Variants in ZNF484 observed in about 807,000 individuals in gnomAD.
ZNF484 encodes KRAB box containing C2H2 type zinc finger bA526D8.4.
Under a neutral mutation model 12.9 loss-of-function variants are expected in ZNF484, and 11 were observed. The observed-to-expected ratio is 0.85, with a 90% CI of 0.54 to 1.41. The LOEUF (loss-of-function observed/expected upper bound fraction) is 1.41, where lower values mean the gene tolerates loss of function less well. Ranked by LOEUF, ZNF484 falls within the 40% of genes most tolerant of loss-of-function variation. The pLI is 0.00. For synonymous variants in ZNF484, 289 were observed against 334.1 expected (o/e 0.86, Z 1.47); for missense variants, 807 against 1,007.7 (o/e 0.80, Z 2.70).
chr9:92,848,542 A>T lies in ZNF484; in HGVS notation c.245T>A (p.Ile82Asn), dbSNP rs373410189. 171 of 1,576,694 alleles carry T rather than the reference A, an allele frequency of 1.1e-4. No individual in the cohort carries two copies. The highest frequency in any genetic ancestry group is 1.4e-4 in the Non-Finnish European group (164 of 1,169,296). Residue 82 changes from isoleucine (I) to asparagine (N), a missense_variant, in exon 5 of 5, where the codon ATT (isoleucine) becomes AAT (asparagine). By Grantham distance (149) the Ile-to-Asn change is moderately radical (BLOSUM62 -3). Transcript: ENST00000375495. This position sits in a 1 kb window ranked among gnomAD's most constrained non-coding sequence, Gnocchi z 4.1. Reference sequence around the variant, plus strand: ...CCTCTGTTGTAAAGGTCCAAAACCAATGTCCCCATCTAAAAAAGAAAGAAA... The same window carrying T: ...CCTCTGTTGTAAAGGTCCAAAACCATTGTCCCCATCTAAAAAAGAAAGAAA... ...IPSQSRPDGD[I>N]GFGPLQQRMS...
At position 92,844,456 on chromosome 9, in the gene ZNF484, T is replaced by G. The variant is rs747605831; in HGVS notation, c.*1772A>C. ...ACCCCAAAACCACTAAACCACAGAT[T>G]TAAAAAACATTATAAACTCCAAGGA... On this transcript the variant is annotated 3_prime_UTR_variant, in exon 5 of 5. Transcript: ENST00000375495. Among the ~76,000 whole-genome samples the G allele has an allele frequency of 6.6e-6, 1 of 151,626 alleles. No individual in the cohort carries two copies. Among genetic ancestry groups the G allele is most frequent in the Non-Finnish European group, 1.5e-5 (1 of 67,896 alleles).
At chr9:92,876,815 CAGAATATGAAA>C (rs1857845556) in intron 1 of ZNF484, among the ~76,000 whole-genome samples, 1 of 152,010 alleles carries the variant, frequency 6.6e-6, no homozygotes, top group African/African-American at 2.4e-5. Context: ...GTATCTCCTC[CAGAATATGAAA>C]CAAGTAGATC....
intron 2 of ZNF484, among the ~76,000 whole-genome samples, chr9:92,868,338 G>A (rs1195886441): frequency 6.6e-6 from 1 of 152,168 alleles, no homozygotes; most frequent in Non-Finnish European, 1.5e-5. Flanking sequence ...GAGCTGAAAT[G>A]AATAGCATGT....
In ZNF484 at chr9:92,847,317, A is replaced by G. The variant is rs773927606; in HGVS notation, c.1470T>C (p.His490=). 30 of 1,613,590 alleles carry G rather than the reference A, an allele frequency of 1.9e-5. 1 individual carries two copies. The highest frequency in any genetic ancestry group is 3.3e-4 in the Middle Eastern group (2 of 6,082). The change falls in exon 5 of 5, where the codon CAT becomes CAC. Residue 490 remains histidine, a synonymous_variant. Coordinates refer to ENST00000375495, the MANE Select transcript of ZNF484 (RefSeq NM_031486.4). Reference sequence around the variant, plus strand: ...TACATATATAGGGTCTTTCTCCTGTATGAATTTTCTGGTGTATAATGAGAT... The same window carrying G: ...TACATATATAGGGTCTTTCTCCTGTGTGAATTTTCTGGTGTATAATGAGAT... ...KTNLIIHQKI[H]TGERPYICTV... is the part of the protein sequence containing the mutation.
chr9:92,866,195 T>C (rs1001976924), intron 2 of ZNF484, among the ~76,000 whole-genome samples: 1 of 152,216 alleles, frequency 6.6e-6, no homozygotes, highest in Non-Finnish European at 1.5e-5. Context: ...ATGTACTTAT[T>C]TTCTTACTTT....
In ZNF484 at chr9:92,877,955, G is replaced by T; in HGVS notation, c.-96C>A. 1 of 1,344,164 alleles carries T rather than the reference G, an allele frequency of 7.4e-7. No individual in the cohort carries two copies. Among genetic ancestry groups the T allele is most frequent in the Admixed American group, 2.0e-5 (1 of 49,234 alleles). 83.3% of individuals were successfully genotyped at this position (1,344,164 alleles called of 1,614,324 possible). A position where few individuals can be genotyped will look rare whatever the true frequency, so the allele number is the denominator to read the frequency against. On this transcript the variant is annotated 5_prime_UTR_variant, in exon 1 of 5. Transcript: ENST00000375495. ...CCTCGGGAGGTGACTATAGTCGCAA[G>T]AACCAGAACAGGACCCACTTCCTTT...
Position 92,847,070 on chromosome 9 carries a change from T to G in ZNF484, c.1717A>C (p.Ile573Leu). ...QKSTLSMHQR[I>L]HRGEKPYVCT... Reference sequence around the variant, plus strand: ...ACATATGGTTTTTCCCCTCTATGAATTCTCTGGTGCATACTTAATGTTGAC... The same window carrying G: ...ACATATGGTTTTTCCCCTCTATGAAGTCTCTGGTGCATACTTAATGTTGAC... The change falls in exon 5 of 5, where the codon ATT becomes CTT. Residue 573 changes from isoleucine to leucine, a missense_variant. Coordinates refer to ENST00000375495, the MANE Select transcript of ZNF484 (RefSeq NM_031486.4). 6.2e-7 allele frequency: 1 copy of G among 1,614,050 alleles called. No homozygotes were observed. The highest frequency in any genetic ancestry group is 8.5e-7 in the Non-Finnish European group (1 of 1,180,004).
intron 2 of ZNF484, among the ~76,000 whole-genome samples, chr9:92,870,512 G>C (rs1211772699): frequency 6.6e-6 from 1 of 152,222 alleles, no homozygotes; most frequent in East Asian, 1.9e-4. Context: ...CAATAGGGTA[G>C]TATGAGAAAA....
In ZNF484 at chr9:92,844,860, G is replaced by A. The variant is rs1399718944; in HGVS notation, c.*1368C>T. Among the ~76,000 whole-genome samples the A allele has an allele frequency of 2.0e-5, 3 of 152,166 alleles. No homozygotes were observed. The highest frequency in any genetic ancestry group is 7.2e-5 in the African/African-American group (3 of 41,554). On this transcript the variant is annotated 3_prime_UTR_variant, in exon 5 of 5. Transcript: ENST00000375495. Reference sequence around the variant, plus strand: ...TTAAAGGACAGGAAGGAATAAAAAAGTAATTAAAATGATAAATATGTGGGT... The same window carrying A: ...TTAAAGGACAGGAAGGAATAAAAAAATAATTAAAATGATAAATATGTGGGT...
Position 92,845,399 on chromosome 9 carries a change from T to C in ZNF484, c.*829A>G, listed in dbSNP as rs1855525209. ...GAAGTCTTCCAAATGTTCAACTACA[T>C]TTTATCTTCTAAGGACACAAACTAA... On this transcript the variant is annotated 3_prime_UTR_variant, in exon 5 of 5. Transcript: ENST00000375495. The surrounding 1 kb of genome is among the most constrained non-coding windows in gnomAD (Gnocchi z 4.0). 6.6e-6 allele frequency: 1 copy of C among 152,202 alleles called. No homozygotes were observed. Among genetic ancestry groups the C allele is most frequent in the Non-Finnish European group, 1.5e-5 (1 of 68,028 alleles). 9.4% of individuals were successfully genotyped at this position (152,202 alleles called of 1,614,324 possible). A position where few individuals can be genotyped will look rare whatever the true frequency, so the allele number is the denominator to read the frequency against.
At chr9:92,857,471 T>C (rs770109945) in intron 2 of ZNF484, among the ~76,000 whole-genome samples, 6 of 152,130 alleles carry the variant, frequency 3.9e-5, no homozygotes, top group Non-Finnish European at 7.3e-5. Context: ...CTAGGGTATA[T>C]AGGGCAGTAG....
Position 92,846,270 on chromosome 9 carries a change from A to G in ZNF484, c.2517T>C (p.Cys839=). Residue 839 remains cysteine (C), a synonymous_variant, in exon 5 of 5, where the codon TGT becomes TGC. Coordinates refer to ENST00000375495, the MANE Select transcript of ZNF484 (RefSeq NM_031486.4). The part of the protein sequence containing the change: ...EVECSMPQLW[C]GDSEGDQGQL... The stretch of plus-strand genomic sequence containing the variant: ...GGCCTTGGTCACCTTCTGAGTCCCC[A>G]CACCATAATTGTGGCATGGAGCACT... 1.2e-6 allele frequency: 2 copies of G among 1,613,986 alleles called. No individual in the cohort carries two copies. Among genetic ancestry groups the G allele is most frequent in the Non-Finnish European group, 1.7e-6 (2 of 1,179,940 alleles).
At chr9:92,873,829 CA>C (rs1186291780) in intron 2 of ZNF484, among the ~76,000 whole-genome samples, 6 of 148,798 alleles carry the variant, frequency 4.0e-5, no homozygotes, top group African/African-American at 1.5e-4. Flanking sequence ...GAAATAGTAC[CA>C]AAAGAAAAAA....
At chr9:92,875,191 T>G (rs567800502) in intron 1 of ZNF484, 132 bp from the exon 2 acceptor site, 1 of 663,230 alleles carries the variant, frequency 1.5e-6, no homozygotes, top group African/African-American at 1.8e-5. Context: ...CATTAAAATA[T>G]CATCCCATCC....
intron 2 of ZNF484, among the ~76,000 whole-genome samples, chr9:92,866,097 A>G (rs568590865): frequency 2.0e-5 from 3 of 152,320 alleles, no homozygotes; most frequent in African/African-American, 7.2e-5. Context: ...TGTCTATATA[A>G]TGACACTTTG....
At chr9:92,859,126 A>AAAAAT (rs572121815) in intron 2 of ZNF484, among the ~76,000 whole-genome samples, 1 of 152,138 alleles carries the variant, frequency 6.6e-6, no homozygotes, top group Non-Finnish European at 1.5e-5. Context: ...ACTCCATCTC[A>AAAAAT]AAAATAAAAT....
Position 92,848,657 on chromosome 9 carries a change from G to A in ZNF484, c.236-106C>T, listed in dbSNP as rs561846150. 5 of 1,064,492 alleles carry A rather than the reference G, an allele frequency of 4.7e-6. No homozygotes were observed. The African/African-American group carries it at 4.8e-5, about 10-fold the overall frequency. 65.9% of individuals were successfully genotyped at this position (1,064,492 alleles called of 1,614,324 possible). On this transcript the variant is annotated intron_variant, in intron 4 of 4. Transcript: ENST00000375495. This position sits in a 1 kb window ranked among gnomAD's most constrained non-coding sequence, Gnocchi z 4.1. ...AATCCTAGCACTTTGGGAGGCTGAG[G>A]TGGGCAGATCACTTGAGGCCAGGAG...
chr9:92,869,732 T>A (rs939382929), intron 2 of ZNF484, among the ~76,000 whole-genome samples: 1 of 152,280 alleles, frequency 6.6e-6, no homozygotes, highest in Middle Eastern at 3.4e-3. Context: ...AATACAAACA[T>A]GTTATTTAGA....
At chr9:92,872,252 A>G (rs1329821878) in intron 2 of ZNF484, among the ~76,000 whole-genome samples, 1 of 121,282 alleles carries the variant, frequency 8.2e-6, no homozygotes, top group Non-Finnish European at 1.7e-5. Context: ...AAAAAAAAAA[A>G]AAAAAGTTAA....
Sources: allele counts gnomAD v4.1 joint callset (sites outside exome capture counted in the v4.1 genomes callset), GRCh38; gene constraint gnomAD v4.1.1; non-coding constraint Gnocchi (gnomAD v3.1); transcripts MANE v1.5; gene names NCBI Gene and HGNC (gene_info 2026-07-23, HGNC 2026-07-21).